The following RIF1 variants were observed in gnomAD, a reference collection of about 807,000 sequenced individuals.
RIF1 encodes the protein replication timing regulatory factor 1.
Under a neutral mutation model 247.1 loss-of-function variants are expected in RIF1, and 45 were observed. That is an observed-to-expected ratio of 0.18 (90% CI 0.14 to 0.23). The LOEUF is 0.23. RIF1 is among the 10% of genes least tolerant of loss of function. The pLI, the probability that RIF1 is intolerant of heterozygous loss-of-function variation, is 1.00. For synonymous variants in RIF1, 1,087 were observed against 978.8 expected (o/e 1.11, Z -2.06); for missense variants, 2,967 against 2,862.5 (o/e 1.04, Z -0.83).
the RIF1 span, chr2:151,526,772 T>C: frequency 6.2e-6 from 4 of 649,778 alleles, no homozygotes; most frequent in Non-Finnish European, 1.1e-5. Flanking sequence ...CTGGCGCCCC[T>C]CACAGGACAG....
chr2:151,499,043 T>C (rs10497083), intron 10 of RIF1, among the ~76,000 whole-genome samples: 1,993 of 152,330 alleles, frequency 0.013, 12 homozygotes, highest in Middle Eastern at 0.041. Context: ...TAAATGTGGA[T>C]GCTTAGACAC....
At chr2:151,492,980 T>C (rs752911349) in intron 9 of RIF1, 2 of 219,718 alleles carry the variant, frequency 9.1e-6, no homozygotes, top group Non-Finnish European at 1.8e-5. Flanking sequence ...TTTCAGAGTA[T>C]TACCCATGTC....
intron 6 of RIF1, among the ~76,000 whole-genome samples, chr2:151,417,304 G>A (rs1406111819): frequency 1.3e-5 from 2 of 152,166 alleles, no homozygotes; most frequent in Admixed American, 6.5e-5. Flanking sequence ...GCATGCCAAC[G>A]CATAAACTCT....
At chr2:151,446,207 C>T (rs1392317046) in intron 19 of RIF1, among the ~76,000 whole-genome samples, 1 of 151,876 alleles carries the variant, frequency 6.6e-6, no homozygotes, top group African/African-American at 2.4e-5. Flanking sequence ...GGGGTTTCGC[C>T]ATGTTGACCT....
chr2:151,465,327 G>A lies in RIF1; in HGVS notation c.5807G>A (p.Gly1936Asp), dbSNP rs776023901. 3 of 1,613,824 alleles carry A rather than the reference G, an allele frequency of 1.9e-6. No homozygotes were observed. Among genetic ancestry groups the A allele is most frequent in the South Asian group, 1.1e-5 (1 of 91,012 alleles). Residue 1936 changes from glycine to aspartate, a missense_variant, in exon 30 of 36, where the codon GGT becomes GAT. Transcript: ENST00000444746. ...SFHGQERTKT[G>D]ISEEAAIEEN... ...CATGGACAAGAGAGAACCAAAACTG[G>A]TATTTCTGAAGAAGCAGCAATAGAA...
rs916496000 is a variant in RIF1 at position 151,409,924 on chromosome 2, G to A, written c.-120G>A. On this transcript the variant is annotated 5_prime_UTR_variant, in exon 1 of 36. Coordinates refer to ENST00000444746, the MANE Select transcript of RIF1 (RefSeq NM_018151.5). ...CCCAGCCGCCATCTTGGTCTAGGAG[G>A]GAGCGCGCCGCACGCGTGAGTAAAC... 3 of 700,486 alleles carry A rather than the reference G, an allele frequency of 4.3e-6. No homozygotes were observed. The highest frequency in any genetic ancestry group is 7.8e-6 in the Non-Finnish European group (3 of 383,988). The allele number at this position is 700,486 out of a possible 1,614,324, so 43.4% of individuals were successfully genotyped here.
intron 7 of RIF1, among the ~76,000 whole-genome samples, chr2:151,422,347 T>G (rs1281611026): frequency 6.6e-6 from 1 of 151,704 alleles, no homozygotes; most frequent in African/African-American, 2.4e-5. Flanking sequence ...AAAAAAAAAG[T>G]TGGATTGATG....
chr2:151,411,510 C>A (rs1178918687), intron 3 of RIF1, among the ~76,000 whole-genome samples, 172 bp downstream of exon 3: 1 of 152,042 alleles, frequency 6.6e-6, no homozygotes, highest in Non-Finnish European at 1.5e-5. Flanking sequence ...TCAAGCGATT[C>A]TCTTGCCTCA....
Position 151,465,827 on chromosome 2 carries a change from A to G in RIF1, c.6307A>G (p.Met2103Val). 2.5e-6 allele frequency: 4 copies of G among 1,613,340 alleles called. No individual in the cohort carries two copies. Among genetic ancestry groups the G allele is most frequent in the Non-Finnish European group, 3.4e-6 (4 of 1,179,242 alleles). Residue 2103 changes from methionine (M) to valine (V), a missense_variant, in exon 30 of 36, where the codon ATG becomes GTG. Around this residue, in one of 7 missense-constraint regions of RIF1, gnomAD observed 2,028 missense variants for 1,825.6 expected, o/e 1.11. Transcript: ENST00000444746. ...KSEEKLDNNQ[M>V]VMESDILQED... ...TGAAGAAAAATTAGATAACAATCAA[A>G]TGGTAATGGAAAGTGATATTTTACA... is the stretch of plus-strand genomic sequence containing the variant.
intron 29 of RIF1, among the ~76,000 whole-genome samples, 182 bp downstream of exon 29, chr2:151,462,648 A>AGTGTGT (rs112752759): frequency 0.025 from 3,817 of 150,716 alleles, 55 homozygotes; most frequent in African/African-American, 0.04. Flanking sequence ...GACACTAGTC[A>AGTGTGT]GTGTGTGTGT....
chr2:151,460,861 C>G (rs1004849856), intron 26 of RIF1, among the ~76,000 whole-genome samples: 1 of 152,152 alleles, frequency 6.6e-6, no homozygotes, highest in Non-Finnish European at 1.5e-5. Flanking sequence ...AGTTCATTTC[C>G]ATGTGTTAGC....
At chr2:151,492,558 A>C in intron 9 of RIF1, 1 of 1,255,702 alleles carries the variant, frequency 8.0e-7, no homozygotes, top group Non-Finnish European at 1.1e-6. Context: ...AAGCCTTTCC[A>C]GCAGATAGAG....
At position 151,480,691 on chromosome 2, in the gene RIF1, A is replaced by G. The variant is rs1297324500; in HGVS notation, c.*5620A>G. The G allele has an allele frequency of 6.6e-6, 1 of 152,244 alleles. No homozygotes were observed. Among genetic ancestry groups the G allele is most frequent in the Non-Finnish European group, 1.5e-5 (1 of 68,040 alleles). 9.4% of individuals were successfully genotyped at this position (152,244 alleles called of 1,614,324 possible). On this transcript the variant is annotated 3_prime_UTR_variant, in exon 36 of 36. Coordinates refer to ENST00000444746, the MANE Select transcript of RIF1 (RefSeq NM_018151.5). ...AAGATCATCTTCAAAATAAAGTGTC[A>G]TGGAACTGAAAATAGAGTATAGTCT...
chr2:151,490,543 A>C (rs757625697), intron 9 of RIF1: 13 of 1,603,568 alleles, frequency 8.1e-6, no homozygotes, highest in African/African-American at 1.3e-5. Context: ...GTTGGGGGAG[A>C]TGTAGCAAAC....
chr2:151,466,148 G>A, intron 30 of RIF1, 28 bp downstream of exon 30: 1 of 1,381,004 alleles, frequency 7.2e-7, no homozygotes, highest in Non-Finnish European at 1.0e-6. Context: ...AAATATTAAG[G>A]AACCCAGTAT....
chr2:151,493,410 C>CG, intron 9 of RIF1: 1 of 1,607,026 alleles, frequency 6.2e-7, no homozygotes, highest in Non-Finnish European at 8.5e-7. Flanking sequence ...TAACAGGTGT[C>CG]GGAGTTGCTT....
chr2:151,469,551 C>T (rs942206357), intron 33 of RIF1, among the ~76,000 whole-genome samples, 160 bp from the exon 34 acceptor site: 8 of 152,088 alleles, frequency 5.3e-5, no homozygotes, highest in African/African-American at 9.7e-5. Context: ...ACATCAGATT[C>T]GAATTTTGTT....
chr2:151,434,665 C>G (rs1310176894), intron 10 of RIF1, among the ~76,000 whole-genome samples: 1 of 152,076 alleles, frequency 6.6e-6, no homozygotes, highest in Non-Finnish European at 1.5e-5. Context: ...TGGTCTCGAT[C>G]TCCTGACTTT....
chr2:151,484,439 T>TG (rs2049375180), downstream of RIF1, among the ~76,000 whole-genome samples: 1 of 152,042 alleles, frequency 6.6e-6, no homozygotes, highest in Non-Finnish European at 1.5e-5. Flanking sequence ...GTACTGAAAA[T>TG]ACAAACATTA....
Sources: allele counts gnomAD v4.1 joint callset (sites outside exome capture counted in the v4.1 genomes callset), GRCh38; gene constraint gnomAD v4.1.1; regional missense constraint gnomAD v4.1.1; transcripts MANE v1.5; gene names NCBI Gene and HGNC (gene_info 2026-07-23, HGNC 2026-07-21).